The following SGCZ variants were observed in gnomAD, a reference collection of about 807,000 sequenced individuals.
The protein encoded by SGCZ is sarcoglycan zeta, also known as zeta-sarcoglycan.
In SGCZ, 40 loss-of-function variants were observed where a neutral mutation model predicts 41.3. The ratio of observed to expected loss-of-function variants is 0.97; its 90% CI spans 0.75 to 1.26. The LOEUF is 1.26. Among genes scored for constraint, SGCZ ranks in the 50% most tolerant of loss-of-function variants. SGCZ has a pLI of 0.00. For synonymous variants in SGCZ, 206 were observed against 137.5 expected, an observed-to-expected ratio of 1.50 and a Z score of -3.49; for missense variants, 552 against 369.8, an observed-to-expected ratio of 1.49 and a Z score of -4.04.
chr8:14,381,001 C>T (rs563135437), intron 2 of SGCZ, among the ~76,000 whole-genome samples: 2 of 152,158 alleles, frequency 1.3e-5, no homozygotes, highest in South Asian at 4.1e-4. Flanking sequence ...ATATTCTTTC[C>T]TGCACATACA....
At chr8:15,101,675 A>C (rs959495262) in intron 1 of SGCZ, among the ~76,000 whole-genome samples, 1 of 152,300 alleles carries the variant, frequency 6.6e-6, no homozygotes, top group East Asian at 1.9e-4. Flanking sequence ...TCACGCATGT[A>C]ATCCCAGCAC....
At chr8:14,843,040 C>T (rs560354439) in intron 1 of SGCZ, among the ~76,000 whole-genome samples, 1 of 152,136 alleles carries the variant, frequency 6.6e-6, no homozygotes, top group East Asian at 1.9e-4. Flanking sequence ...TGGTGAAACC[C>T]CATCTCTACT....
intron 1 of SGCZ, among the ~76,000 whole-genome samples, chr8:15,102,749 T>G (rs886750093): frequency 6.6e-6 from 1 of 152,200 alleles, no homozygotes; most frequent in African/African-American, 2.4e-5. Flanking sequence ...AATTTGTGTA[T>G]GGAGATTATT....
intron 2 of SGCZ, among the ~76,000 whole-genome samples, chr8:14,463,949 C>T (rs1045255012): frequency 4.1e-5 from 6 of 145,776 alleles, no homozygotes; most frequent in Admixed American, 6.7e-5. Flanking sequence ...GTTGAAACAT[C>T]CTTGCATCCA....
intron 1 of SGCZ, among the ~76,000 whole-genome samples, chr8:14,997,749 C>T (rs1400064338): frequency 6.6e-6 from 1 of 152,134 alleles, no homozygotes; most frequent in Non-Finnish European, 1.5e-5. Context: ...CACTTGAGGT[C>T]AGGAGTGAGA....
At chr8:14,270,795 C>T (rs1401844382) in intron 3 of SGCZ, among the ~76,000 whole-genome samples, 1 of 152,058 alleles carries the variant, frequency 6.6e-6, no homozygotes, top group Admixed American at 6.6e-5. Flanking sequence ...TGGAACCAAC[C>T]CAAATGTCCA....
chr8:15,159,154 G>T (rs994426250), intron 1 of SGCZ, among the ~76,000 whole-genome samples: 3 of 152,062 alleles, frequency 2.0e-5, no homozygotes, highest in African/African-American at 4.8e-5. Flanking sequence ...TCATGCCTAG[G>T]TAATGAGGCC....
At chr8:15,079,603 C>T (rs961686022) in intron 1 of SGCZ, among the ~76,000 whole-genome samples, 10 of 152,198 alleles carry the variant, frequency 6.6e-5, no homozygotes, top group African/African-American at 7.2e-5. Context: ...ATGTTTGGTG[C>T]ATTCATTTTG....
chr8:15,237,866 G>A lies in SGCZ; in HGVS notation c.-243C>T, dbSNP rs954039739. 4 of 493,854 alleles carry A rather than the reference G, an allele frequency of 8.1e-6. No homozygotes were observed. Among genetic ancestry groups the A allele is most frequent in the African/African-American group, 5.8e-5 (3 of 51,484 alleles). The allele number at this position is 493,854 out of a possible 1,614,324, so 30.6% of individuals were successfully genotyped here. A position where few individuals can be genotyped will look rare whatever the true frequency, so the allele number is the denominator to read the frequency against. On this transcript the variant is annotated 5_prime_UTR_variant, in exon 1 of 8. Transcript: ENST00000382080. ...TTTAGTGACAGGTGATCTCTACCGCGGTGCAACACAGCTGAGTCGATTGAA... is the reference window on the plus strand; with the variant it reads ...TTTAGTGACAGGTGATCTCTACCGCAGTGCAACACAGCTGAGTCGATTGAA...
chr8:14,441,301 G>A (rs924306879), intron 2 of SGCZ, among the ~76,000 whole-genome samples: 1 of 152,124 alleles, frequency 6.6e-6, no homozygotes, highest in African/African-American at 2.4e-5. Flanking sequence ...TTTTGGCCGG[G>A]GACAGTGGCT....
intron 1 of SGCZ, among the ~76,000 whole-genome samples, chr8:15,111,380 G>T (rs1462736646): frequency 1.3e-5 from 2 of 152,088 alleles, no homozygotes; most frequent in Non-Finnish European, 2.9e-5. Flanking sequence ...GCCAAGCGTG[G>T]ACCATCCCTT....
intron 1 of SGCZ, among the ~76,000 whole-genome samples, chr8:15,090,168 G>C (rs573204575): frequency 1.9e-4 from 29 of 152,188 alleles, no homozygotes; most frequent in African/African-American, 6.5e-4. Flanking sequence ...CATAGACAAA[G>C]GTCATGACAT....
chr8:14,496,240 AT>A (rs59126434), intron 2 of SGCZ, among the ~76,000 whole-genome samples: 72,665 of 151,248 alleles, frequency 0.48, 17,594 homozygotes, highest in Admixed American at 0.54. Flanking sequence ...TAATTTTTAA[AT>A]TTTTTTTTGG....
chr8:14,826,571 T>G (rs866352997), intron 1 of SGCZ, among the ~76,000 whole-genome samples: 13 of 152,180 alleles, frequency 8.5e-5, no homozygotes, highest in South Asian at 2.1e-4. Context: ...GTGTTCCTAT[T>G]TCTCCACATC....
chr8:15,166,767 T>A (rs1799677964), intron 1 of SGCZ, among the ~76,000 whole-genome samples: 1 of 150,528 alleles, frequency 6.6e-6, no homozygotes, highest in African/African-American at 2.5e-5. Flanking sequence ...CAGACAATTG[T>A]TGTCTTGTTT....
intron 1 of SGCZ, among the ~76,000 whole-genome samples, chr8:14,639,942 A>G (rs1207858955): frequency 6.6e-6 from 1 of 151,736 alleles, no homozygotes; most frequent in Admixed American, 6.6e-5. Context: ...ATTAGAAATG[A>G]CAGACAGTAG....
intron 1 of SGCZ, among the ~76,000 whole-genome samples, chr8:14,834,295 T>A (rs951803918): frequency 6.6e-6 from 1 of 152,196 alleles, no homozygotes; most frequent in Non-Finnish European, 1.5e-5. Context: ...GCTTAGCCAT[T>A]TTATTCATGT....
At chr8:14,691,735 G>A (rs1808804140) in intron 1 of SGCZ, among the ~76,000 whole-genome samples, 1 of 151,940 alleles carries the variant, frequency 6.6e-6, no homozygotes, top group Non-Finnish European at 1.5e-5. Context: ...ATAATCATGT[G>A]TCCAAATACA....
chr8:14,554,594 A>G (rs1037113384), intron 2 of SGCZ, 138 bp downstream of exon 2: 1 of 732,816 alleles, frequency 1.4e-6, no homozygotes, highest in Non-Finnish European at 2.1e-6. Flanking sequence ...TTAAAATAAA[A>G]TATTATTTTC....
Sources: allele counts gnomAD v4.1 joint callset (sites outside exome capture counted in the v4.1 genomes callset), GRCh38; gene constraint gnomAD v4.1.1; transcripts MANE v1.5; gene names NCBI Gene and HGNC (gene_info 2026-07-23, HGNC 2026-07-21).